The following LMF2 variants were observed in gnomAD, a reference collection of about 807,000 sequenced individuals.
LMF2 encodes transmembrane protein 112B.
In LMF2, 113 loss-of-function variants were observed where a neutral mutation model predicts 81.5. That is an observed-to-expected ratio of 1.39 (90% confidence interval 1.19 to 1.62). LMF2 has a LOEUF of 1.62. LMF2 is among the 40% of genes most tolerant of loss of function. LMF2 has a pLI of 0.00. For missense variants in LMF2, 1,235 were observed against 929.1 expected (o/e 1.33, Z -4.28); for synonymous variants, 645 against 424.5 (o/e 1.52, Z -6.39).
chr22:50,506,512 G>A lies in LMF2; in HGVS notation c.378-10C>T, dbSNP rs1472072184. On this transcript the variant is annotated splice_polypyrimidine_tract_variant and intron_variant, in intron 3 of 13. Transcript: ENST00000474879. ...TAGCAGCAGGGAGTCCCTATGGGGAGAGCAAATAGCACCAAGAGCCCCTCC... is the reference window on the plus strand; with the variant it reads ...TAGCAGCAGGGAGTCCCTATGGGGAAAGCAAATAGCACCAAGAGCCCCTCC... 1.3e-6 allele frequency: 2 copies of A among 1,560,446 alleles called. No homozygotes were observed. The highest frequency in any genetic ancestry group is 1.7e-6 in the Non-Finnish European group (2 of 1,155,640).
chr22:50,503,740 A>T (rs2148643632), intron 13 of LMF2, 41 bp from the exon 14 acceptor site: 2 of 1,590,220 alleles, frequency 1.3e-6, no homozygotes, highest in Non-Finnish European at 1.7e-6. Context: ...GGAAGTGCTT[A>T]CTGGGTTTAC....
rs770875443 is a variant in LMF2 at position 50,505,677 on chromosome 22, T to C, written c.913A>G (p.Thr305Ala). The C allele has an allele frequency of 6.2e-7, 1 of 1,612,762 alleles. No homozygotes were observed. Among genetic ancestry groups the C allele is most frequent in the East Asian group, 2.2e-5 (1 of 44,868 alleles). ...GGGCTGGACAAGTGACACGCACAGG[T>C]GGCCGTCTTCTTGCGGCTGCCGTGG... ...PGHGSRKKTA[T>A]SWPKALLATL... Residue 305 changes from threonine to alanine, a missense_variant, in exon 6 of 14, where the codon ACC (threonine) becomes GCC (alanine). Coordinates refer to ENST00000474879, the MANE Select transcript of LMF2 (RefSeq NM_033200.3).
chr22:50,506,627 CCGTCA>C lies in LMF2; in HGVS notation c.377+6_377+10del. 1 of 1,611,814 alleles carries C rather than the reference CCGTCA, an allele frequency of 6.2e-7. No homozygotes were observed. The highest frequency in any genetic ancestry group is 8.5e-7 in the Non-Finnish European group (1 of 1,179,128). ...CAGCCTCCCACAGCCCCAGGCCCAGCCGTCACTCACCACTGGAAATAAAGGAACAC... is the reference window on the plus strand; with the variant it reads ...CAGCCTCCCACAGCCCCAGGCCCAGCCTCACCACTGGAAATAAAGGAACAC... On this transcript the variant is annotated splice_donor_region_variant and intron_variant, in intron 3 of 13. Coordinates refer to ENST00000474879, the MANE Select transcript of LMF2 (RefSeq NM_033200.3).
chr22:50,507,091 C>A, intron 1 of LMF2, 56 bp from the exon 2 acceptor site: 1 of 1,534,160 alleles, frequency 6.5e-7, no homozygotes. Context: ...ACTAGACTAC[C>A]TCTGAGTCAG....
Position 50,503,582 on chromosome 22 carries a change from C to T in LMF2, c.1933G>A (p.Ala645Thr). The T allele has an allele frequency of 1.3e-6, 2 of 1,543,980 alleles. No homozygotes were observed. The highest frequency in any genetic ancestry group is 1.7e-6 in the Non-Finnish European group (2 of 1,147,824). ...TGCACAAATCTGACAGCCCCCACGG[C>T]CATGAGGAGCCCCCAGAGCAGGGCG... ...APALLWGLLM[A>T]VGAVRFVQAL... Residue 645 changes from alanine to threonine, a missense_variant, in exon 14 of 14, where the codon GCC becomes ACC. Physicochemically the swap from Ala to Thr is moderately conservative, Grantham distance 58 (BLOSUM62 0). Transcript: ENST00000474879.
Position 50,506,454 on chromosome 22 carries a change from C to T in LMF2, c.426G>A (p.Pro142=), listed in dbSNP as rs761431553. Residue 142 remains proline, a synonymous_variant, in exon 4 of 14, where the codon CCG becomes CCA. Coordinates refer to ENST00000474879, the MANE Select transcript of LMF2 (RefSeq NM_033200.3). ...CCTTGCGGTGGGAGGCTGGCCTCAG[C>T]GGGGCCACCAGCACGGCCAGGAAGC... ...ETGFLAVLVA[P]LRPASHRKEA... 7.1e-6 allele frequency: 11 copies of T among 1,550,338 alleles called. No individual in the cohort carries two copies. Among genetic ancestry groups the T allele is most frequent in the Middle Eastern group, 1.7e-4 (1 of 5,982 alleles).
In LMF2 at chr22:50,503,687, G is replaced by A. The variant is rs773874738; in HGVS notation, c.1828C>T (p.Pro610Ser). 11 of 1,590,224 alleles carry A rather than the reference G, an allele frequency of 6.9e-6. No individual in the cohort carries two copies. Among genetic ancestry groups the A allele is most frequent in the Admixed American group, 6.8e-5 (4 of 58,550 alleles). ...RQFGLQEKSP[P>S]RTRSANSTLA... ...GTGCTGTTGGCGCTGCGGGTGCGAG[G>A]TGGGCTTTTCTCCTGTGGGAGGGAG... The change falls in exon 14 of 14, where the codon CCT becomes TCT. Residue 610 changes from proline (P) to serine (S), a missense_variant. Physicochemically the swap from Pro to Ser is moderately conservative, Grantham distance 74. Transcript: ENST00000474879.
At position 50,506,298 on chromosome 22, in the gene LMF2, C is replaced by A; in HGVS notation, c.582G>T (p.Trp194Cys). 1 of 1,549,218 alleles carries A rather than the reference C, an allele frequency of 6.5e-7. No homozygotes were observed. Among genetic ancestry groups the A allele is most frequent in the Non-Finnish European group, 8.7e-7 (1 of 1,146,432 alleles). The change falls in exon 4 of 14, where the codon TGG becomes TGT. Residue 194 changes from tryptophan to cysteine, a missense_variant. Transcript: ENST00000474879. ...CGGGCCCCTCACCAGTGAGCCCCCACCACGCAGGGCAGCGGCTGGTCAGCT... is the reference window on the plus strand; with the variant it reads ...CGGGCCCCTCACCAGTGAGCCCCCAACACGCAGGGCAGCGGCTGGTCAGCT... ...VVKLTSRCPAWWGLTALTYHY... is the reference protein window; with the variant it reads ...VVKLTSRCPACWGLTALTYHY...
chr22:50,503,071 T>A lies in LMF2; in HGVS notation c.*320A>T, dbSNP rs1365598064. ...CCCTGGGAGTCAGCCTCTTCCCCTC[T>A]GGCACGGGGCCTAGGGTTGGGGGCT... is the stretch of plus-strand genomic sequence containing the variant. On this transcript the variant is annotated 3_prime_UTR_variant, in exon 14 of 14. Transcript: ENST00000474879. 6.0e-6 allele frequency: 2 copies of A among 335,554 alleles called. No homozygotes were observed. The highest frequency in any genetic ancestry group is 5.4e-6 in the Non-Finnish European group (1 of 183,750). The allele number at this position is 335,554 out of a possible 1,614,324, so 20.8% of individuals were successfully genotyped here. A position where few individuals can be genotyped will look rare whatever the true frequency, so the allele number is the denominator to read the frequency against.
Position 50,506,643 on chromosome 22 carries a change from G to GAAATA in LMF2, c.367_371dup (p.Gln125IlefsTer9), listed in dbSNP as rs779809369. ...CAGGCCCAGCCGTCACTCACCACTG[G>GAAATA]AAATAAAGGAACACCTGGCCCACCT... On this transcript the variant is annotated frameshift_variant, in exon 3 of 14. Coordinates refer to ENST00000474879, the MANE Select transcript of LMF2 (RefSeq NM_033200.3). LOFTEE classifies it high-confidence loss of function. 6.2e-7 allele frequency: 1 copy of GAAATA among 1,613,182 alleles called. No homozygotes were observed. Among genetic ancestry groups the GAAATA allele is most frequent in the Non-Finnish European group, 8.5e-7 (1 of 1,179,772 alleles).
chr22:50,503,673 G>A lies in LMF2; in HGVS notation c.1842C>T (p.Ser614=), dbSNP rs373587782. Residue 614 remains serine (S), a synonymous_variant, in exon 14 of 14, where the codon AGC becomes AGT. Coordinates refer to ENST00000474879, the MANE Select transcript of LMF2 (RefSeq NM_033200.3). ...LQEKSPPRTR[S]ANSTLAQALH... ...GGGCCTGGGCCAGGGTGCTGTTGGC[G>A]CTGCGGGTGCGAGGTGGGCTTTTCT... 4.8e-5 allele frequency: 76 copies of A among 1,592,716 alleles called. 2 individuals carry two copies. In the Admixed American group the frequency reaches 5.8e-4, roughly 12 times the overall value.
chr22:50,505,380 G>A, intron 7 of LMF2, 23 bp downstream of exon 7: 1 of 1,613,242 alleles, frequency 6.2e-7, no homozygotes, highest in Non-Finnish European at 8.5e-7. Flanking sequence ...CCTGCCCTCT[G>A]GCCCCCCCAG....
rs772471040 is a variant in LMF2, at chr22:50,506,971, G to A, written c.159C>T (p.Arg53=). Residue 53 remains arginine (R), a synonymous_variant, in exon 2 of 14, where the codon CGC becomes CGT. Coordinates refer to ENST00000474879, the MANE Select transcript of LMF2 (RefSeq NM_033200.3). The part of the protein sequence containing the change: ...RRTLRPQGKG[R]WQQLWETPTL... ...TCGGGGTCTCCCACAGCTGCTGCCA[G>A]CGCCCCTTGCCCTGAGGCCGCAGCG... 4 of 1,589,802 alleles carry A rather than the reference G, an allele frequency of 2.5e-6. No individual in the cohort carries two copies. The highest frequency in any genetic ancestry group is 3.4e-6 in the Non-Finnish European group (4 of 1,174,134).
In LMF2 at chr22:50,505,294, C is replaced by T. The variant is rs2068528897; in HGVS notation, c.1092G>A (p.Leu364=). ...CACCCAGCCACACAGTGGGCAGCGT[C>T]AGTGTCTTCAGCCACTGAGAAAACT... ...FHQFSQWLKT[L]TLPTVWLGVA... is the part of the protein sequence containing the mutation. The change falls in exon 8 of 14, where the codon CTG becomes CTA. Residue 364 remains leucine, a synonymous_variant. Coordinates refer to ENST00000474879, the MANE Select transcript of LMF2 (RefSeq NM_033200.3). 13 of 1,613,292 alleles carry T rather than the reference C, an allele frequency of 8.1e-6. No individual in the cohort carries two copies. Among genetic ancestry groups the T allele is most frequent in the Non-Finnish European group, 9.3e-6 (11 of 1,180,014 alleles).
Position 50,506,514 on chromosome 22 carries a change from G to A in LMF2, c.378-12C>T, listed in dbSNP as rs370249656. ...GCAGCAGGGAGTCCCTATGGGGAGA[G>A]CAAATAGCACCAAGAGCCCCTCCCC... On this transcript the variant is annotated splice_polypyrimidine_tract_variant and intron_variant, in intron 3 of 13. Coordinates refer to ENST00000474879, the MANE Select transcript of LMF2 (RefSeq NM_033200.3). 282 of 1,560,574 alleles carry A rather than the reference G, an allele frequency of 1.8e-4. 1 individual carries two copies. Among genetic ancestry groups the A allele is most frequent in the Middle Eastern group, 5.1e-4 (3 of 5,890 alleles).
chr22:50,507,628 C>T lies in LMF2; in HGVS notation c.48G>A (p.Ala16=). The part of the protein sequence containing the change: ...LPRQLFLQGV[A]AVFMFAFASL... ...AAGCGAAAGCAAACATGAAGACGGCCGCCACGCCCTGGAGGAAGAGCTGCC... is the reference window on the plus strand; with the variant it reads ...AAGCGAAAGCAAACATGAAGACGGCTGCCACGCCCTGGAGGAAGAGCTGCC... The change falls in exon 1 of 14, where the codon GCG becomes GCA. Residue 16 remains alanine, a synonymous_variant. Coordinates refer to ENST00000474879, the MANE Select transcript of LMF2 (RefSeq NM_033200.3). The T allele has an allele frequency of 6.4e-7, 1 of 1,557,924 alleles. No homozygotes were observed. Among genetic ancestry groups the T allele is most frequent in the South Asian group, 1.2e-5 (1 of 84,650 alleles).
In LMF2 at chr22:50,507,694, T is replaced by G; in HGVS notation, c.-19A>C. The G allele has an allele frequency of 6.5e-7, 1 of 1,541,200 alleles. No homozygotes were observed. The highest frequency in any genetic ancestry group is 8.8e-7 in the Non-Finnish European group (1 of 1,141,418). Reference sequence around the variant, plus strand: ...CCGCCATGTCCGCTACGCGGCCCGCTAGAGCAGGGCCCGCCCTCCGCGTCC... The same window carrying G: ...CCGCCATGTCCGCTACGCGGCCCGCGAGAGCAGGGCCCGCCCTCCGCGTCC... On this transcript the variant is annotated 5_prime_UTR_variant, in exon 1 of 14. Transcript: ENST00000474879.
rs372589559 is a variant in LMF2 at position 50,506,629 on chromosome 22, G to A, written c.377+9C>T. 23 of 1,611,784 alleles carry A rather than the reference G, an allele frequency of 1.4e-5. No individual in the cohort carries two copies. The highest frequency in any genetic ancestry group is 8.0e-5 in the African/African-American group (6 of 74,850). ...GCCTCCCACAGCCCCAGGCCCAGCC[G>A]TCACTCACCACTGGAAATAAAGGAA... is the stretch of plus-strand genomic sequence containing the variant. On this transcript the variant is annotated intron_variant, in intron 3 of 13. Coordinates refer to ENST00000474879, the MANE Select transcript of LMF2 (RefSeq NM_033200.3).
At position 50,506,331 on chromosome 22, in the gene LMF2, G is replaced by T. The variant is rs1287705797; in HGVS notation, c.549C>A (p.Gly183=). 1 of 1,549,608 alleles carries T rather than the reference G, an allele frequency of 6.5e-7. No homozygotes were observed. Among genetic ancestry groups the T allele is most frequent in the Non-Finnish European group, 8.7e-7 (1 of 1,146,832 alleles). The change falls in exon 4 of 14, where the codon GGC becomes GGA. Residue 183 remains glycine, a synonymous_variant. Coordinates refer to ENST00000474879, the MANE Select transcript of LMF2 (RefSeq NM_033200.3). ...GGCAGCGGCTGGTCAGCTTGACCAC[G>T]CCTGAGGCGAACATGAGGCGGAACA... ...WLLFRLMFAS[G]VVKLTSRCPA... is the part of the protein sequence containing the mutation.
Sources: allele counts gnomAD v4.1 joint callset, GRCh38; gene constraint gnomAD v4.1.1; transcripts MANE v1.5; gene names NCBI Gene and HGNC (gene_info 2026-07-23, HGNC 2026-07-21).